The following OR2S2 variants were observed in gnomAD, a reference collection of about 807,000 sequenced individuals.
The protein encoded by OR2S2 is olfactory receptor 2S2.
For synonymous variants in OR2S2, 153 were observed against 159.3 expected (o/e 0.96, Z 0.30); for missense variants, 365 against 389.5 (o/e 0.94, Z 0.53).
At position 35,957,809 on chromosome 9, in the gene OR2S2, G is replaced by A. The variant is rs749878994; in HGVS notation, c.290C>T (p.Ala97Val). Residue 97 changes from alanine (A) to valine (V), a missense_variant, in exon 1 of 1, where the codon GCC (alanine) becomes GTC (valine). Coordinates refer to ENST00000341959, the MANE Select transcript of OR2S2 (RefSeq NM_019897.2). ...GGAGAGTGCCATCTGCACAGCACAG[G>A]CTGAGAAGGAGATGGTTTCCTGGGG... ...LTPQETISFS[A>V]CAVQMALSFA... 3 of 1,614,244 alleles carry A rather than the reference G, an allele frequency of 1.9e-6. No homozygotes were observed. Among genetic ancestry groups the A allele is most frequent in the East Asian group, 2.2e-5 (1 of 44,882 alleles).
At position 35,957,143 on chromosome 9, in the gene OR2S2, T is replaced by C; in HGVS notation, c.956A>G (p.Gln319Arg). ...RRLLRPKGFT[Q>R] ...TCACAGAGGACCCTTCCACCATCAC[T>C]GAGTGAAGCCTTTTGGTCTCAGCAG... Residue 319 changes from glutamine to arginine, a missense_variant, in exon 1 of 1, where the codon CAG becomes CGG. Coordinates refer to ENST00000341959, the MANE Select transcript of OR2S2 (RefSeq NM_019897.2). 1 of 1,584,912 alleles carries C rather than the reference T, an allele frequency of 6.3e-7. No homozygotes were observed. Among genetic ancestry groups the C allele is most frequent in the Non-Finnish European group, 8.6e-7 (1 of 1,163,594 alleles).
chr9:35,957,238 C>A lies in OR2S2; in HGVS notation c.861G>T (p.Val287=), dbSNP rs983244806. 1.9e-6 allele frequency: 3 copies of A among 1,614,108 alleles called. No individual in the cohort carries two copies. The highest frequency in any genetic ancestry group is 2.2e-5 in the South Asian group (2 of 91,080). ...SDKLIPLFYG[V]VTPMLNPIIY... is the part of the protein sequence containing the mutation. ...TGATGGGGTTGAGCATCGGGGTCAC[C>A]ACCCCATAGAAAAGGGGGATGAGTT... The change falls in exon 1 of 1, where the codon GTG becomes GTT. Residue 287 remains valine, a synonymous_variant. Transcript: ENST00000341959.
At position 35,957,817 on chromosome 9, in the gene OR2S2, G is replaced by A; in HGVS notation, c.282C>T (p.Ser94=). ...CCATCTGCACAGCACAGGCTGAGAA[G>A]GAGATGGTTTCCTGGGGAGTCAAAA... is the stretch of plus-strand genomic sequence containing the variant. The part of the protein sequence containing the change: ...DSFLTPQETI[S]FSACAVQMAL... Residue 94 remains serine, a synonymous_variant, in exon 1 of 1, where the codon TCC becomes TCT. Coordinates refer to ENST00000341959, the MANE Select transcript of OR2S2 (RefSeq NM_019897.2). The A allele has an allele frequency of 6.2e-7, 1 of 1,614,224 alleles. No homozygotes were observed. The highest frequency in any genetic ancestry group is 1.1e-5 in the South Asian group (1 of 91,088).
Position 35,957,928 on chromosome 9 carries a change from G to T in OR2S2, c.171C>A (p.His57Gln), listed in dbSNP as rs767312395. The change falls in exon 1 of 1, where the codon CAC (histidine) becomes CAA (glutamine). Residue 57 changes from histidine (H) to glutamine (Q), a missense_variant. Coordinates refer to ENST00000341959, the MANE Select transcript of OR2S2 (RefSeq NM_019897.2). The part of the protein sequence containing the change: ...ILVTILDSRL[H>Q]TPMYFFLGNL... ...TCCCTAGGAAGAAGTACATGGGCGT[G>T]TGCAGGCGGGAGTCAAGGATGGTCA... 6 of 1,614,098 alleles carry T rather than the reference G, an allele frequency of 3.7e-6. No individual in the cohort carries two copies. Among genetic ancestry groups the T allele is most frequent in the African/African-American group, 1.3e-5 (1 of 74,934 alleles).
In OR2S2 at chr9:35,957,987, C is replaced by A. The variant is rs141055006; in HGVS notation, c.112G>T (p.Val38Leu). The A allele has an allele frequency of 6.2e-7, 1 of 1,614,134 alleles. No individual in the cohort carries two copies. The highest frequency in any genetic ancestry group is 1.7e-5 in the Admixed American group (1 of 60,028). Reference protein sequence around the residue: ...FFVLILLMYLVILLGNGVLIL... With the variant: ...FFVLILLMYLLILLGNGVLIL... ...AGGACCCCATTGCCCAGCAGGATCACGAGGTACATCAGCAGGATGAGCACG... is the reference window on the plus strand; with the variant it reads ...AGGACCCCATTGCCCAGCAGGATCAAGAGGTACATCAGCAGGATGAGCACG... The change falls in exon 1 of 1, where the codon GTG becomes TTG. Residue 38 changes from valine to leucine, a missense_variant. By Grantham distance (32) the Val-to-Leu change is conservative. Transcript: ENST00000341959.
Position 35,957,461 on chromosome 9 carries a change from A to C in OR2S2, c.638T>G (p.Leu213Arg). ...TNVIFLGVPV[L>R]FISFSYVFII... is the part of the protein sequence containing the mutation. ...GAAGACATAGGAGAAAGAGATGAAC[A>C]GAACCGGGACTCCTAGGAAGATCAC... The change falls in exon 1 of 1, where the codon CTG becomes CGG. Residue 213 changes from leucine (L) to arginine (R), a missense_variant. By Grantham distance (102) the Leu-to-Arg change is moderately radical. Coordinates refer to ENST00000341959, the MANE Select transcript of OR2S2 (RefSeq NM_019897.2). 3.1e-6 allele frequency: 5 copies of C among 1,614,226 alleles called. No homozygotes were observed. Among genetic ancestry groups the C allele is most frequent in the Non-Finnish European group, 4.2e-6 (5 of 1,180,036 alleles).
chr9:35,957,836 G>A lies in OR2S2; in HGVS notation c.263C>T (p.Thr88Ile). 1 of 1,614,208 alleles carries A rather than the reference G, an allele frequency of 6.2e-7. No individual in the cohort carries two copies. Among genetic ancestry groups the A allele is most frequent in the Non-Finnish European group, 8.5e-7 (1 of 1,180,028 alleles). Reference sequence around the variant, plus strand: ...TGAGAAGGAGATGGTTTCCTGGGGAGTCAAAAAGCTGTCCAGGACCAGTGG... The same window carrying A: ...TGAGAAGGAGATGGTTTCCTGGGGAATCAAAAAGCTGTCCAGGACCAGTGG... ...SVPLVLDSFL[T>I]PQETISFSAC... The change falls in exon 1 of 1, where the codon ACT becomes ATT. Residue 88 changes from threonine (T) to isoleucine (I), a missense_variant. By Grantham distance (89) the Thr-to-Ile change is moderately conservative (BLOSUM62 -1). Coordinates refer to ENST00000341959, the MANE Select transcript of OR2S2 (RefSeq NM_019897.2).
rs1258949196 is a variant in OR2S2 at position 35,957,387 on chromosome 9, C to T, written c.712G>A (p.Val238Ile). 2 of 1,614,094 alleles carry T rather than the reference C, an allele frequency of 1.2e-6. No individual in the cohort carries two copies. The highest frequency in any genetic ancestry group is 2.2e-5 in the East Asian group (1 of 44,880). The part of the protein sequence containing the change: ...RIPSAEGRKK[V>I]FSTCSAHLTV... The stretch of plus-strand genomic sequence containing the variant: ...AGGTGGGCAGAGCAGGTGGAGAAGA[C>T]CTTTTTCCTCCCCTCAGCTGAGGGG... The change falls in exon 1 of 1, where the codon GTC becomes ATC. Residue 238 changes from valine to isoleucine, a missense_variant. Val to Ile is a conservative substitution (Grantham distance 29). Transcript: ENST00000341959.
chr9:35,957,495 CCTCCATGCTGATCACATT>C lies in OR2S2; in HGVS notation c.586_603del (p.Asn196_Glu201del), dbSNP rs749034367. The C allele has an allele frequency of 1.2e-6, 2 of 1,614,228 alleles. No homozygotes were observed. Among genetic ancestry groups the C allele is most frequent in the South Asian group, 2.2e-5 (2 of 91,076 alleles). On this transcript the variant is annotated inframe_deletion, in exon 1 of 1. Coordinates refer to ENST00000341959, the MANE Select transcript of OR2S2 (RefSeq NM_019897.2). ...ACTCCTAGGAAGATCACATTCGTCA[CCTCCATGCTGATCACATT>C]GATGGAAATGTCAGCACAGGCCAAC...
Position 35,957,205 on chromosome 9 carries a change from G to A in OR2S2, c.894C>T (p.Ser298=). 6.2e-7 allele frequency: 1 copy of A among 1,614,048 alleles called. No individual in the cohort carries two copies. The highest frequency in any genetic ancestry group is 8.5e-7 in the Non-Finnish European group (1 of 1,179,996). Residue 298 remains serine (S), a synonymous_variant, in exon 1 of 1, where the codon AGC becomes AGT. Coordinates refer to ENST00000341959, the MANE Select transcript of OR2S2 (RefSeq NM_019897.2). ...CAGCCTTCACATCCTTGTTCCTCAG[G>A]CTATAGATGATGGGGTTGAGCATCG... is the stretch of plus-strand genomic sequence containing the variant. ...VTPMLNPIIY[S]LRNKDVKAAV...
In OR2S2 at chr9:35,957,529, A is replaced by G; in HGVS notation, c.570T>C (p.Cys190=). The G allele has an allele frequency of 6.2e-7, 1 of 1,614,236 alleles. No homozygotes were observed. Residue 190 remains cysteine (C), a synonymous_variant, in exon 1 of 1, where the codon TGT becomes TGC. Transcript: ENST00000341959. ...TGATCACATTGATGGAAATGTCAGC[A>G]CAGGCCAACTTTAGAACAGCCAGAA... ...CEILAVLKLA[C]ADISINVISM...
rs770908980 is a variant in OR2S2, at chr9:35,957,443, T to C, written c.656A>G (p.Tyr219Cys). The change falls in exon 1 of 1, where the codon TAT (tyrosine) becomes TGT (cysteine). Residue 219 changes from tyrosine to cysteine, a missense_variant. Transcript: ENST00000341959. ...CAGGATGGTGGTGATGATGAAGACA[T>C]AGGAGAAAGAGATGAACAGAACCGG... ...GVPVLFISFS[Y>C]VFIITTILRI... 3.1e-6 allele frequency: 5 copies of C among 1,613,842 alleles called. No individual in the cohort carries two copies. Among genetic ancestry groups the C allele is most frequent in the Middle Eastern group, 1.7e-4 (1 of 6,058 alleles).
rs748844313 is a variant in OR2S2, at chr9:35,958,140, T to G, written c.-42A>C. On this transcript the variant is annotated 5_prime_UTR_variant, in exon 1 of 1. An upstream start codon of the reference 5' UTR is lost. Transcript: ENST00000341959. ...CATCAGCAAAGTACTGAGCAGCGCA[T>G]CAGGCTTTTTGGGAAGAGTCCTAGG... 29 of 1,567,392 alleles carry G rather than the reference T, an allele frequency of 1.9e-5. No individual in the cohort carries two copies. Among genetic ancestry groups the G allele is most frequent in the Non-Finnish European group, 2.4e-5 (28 of 1,156,844 alleles).
In OR2S2 at chr9:35,957,881, C is replaced by T. The variant is rs775539075; in HGVS notation, c.218G>A (p.Cys73Tyr). ...CAGTGGGACTGAGGAGGTAGTGAAG[C>T]AGATGTCCAGGAAGGAGAGGTTCCC... is the stretch of plus-strand genomic sequence containing the variant. Reference protein sequence around the residue: ...FLGNLSFLDICFTTSSVPLVL... With the variant: ...FLGNLSFLDIYFTTSSVPLVL... Residue 73 changes from cysteine to tyrosine, a missense_variant, in exon 1 of 1, where the codon TGC becomes TAC. Coordinates refer to ENST00000341959, the MANE Select transcript of OR2S2 (RefSeq NM_019897.2). 8 of 1,614,128 alleles carry T rather than the reference C, an allele frequency of 5.0e-6. No individual in the cohort carries two copies. Among genetic ancestry groups the T allele is most frequent in the Non-Finnish European group, 6.8e-6 (8 of 1,180,008 alleles).
Position 35,957,373 on chromosome 9 carries a change from G to A in OR2S2, c.726C>T (p.Cys242=), listed in dbSNP as rs1833567405. The change falls in exon 1 of 1, where the codon TGC becomes TGT. Residue 242 remains cysteine (C), a synonymous_variant. Coordinates refer to ENST00000341959, the MANE Select transcript of OR2S2 (RefSeq NM_019897.2). ...AEGRKKVFST[C]SAHLTVVIVF... ...CGATCACCACGGTGAGGTGGGCAGAGCAGGTGGAGAAGACCTTTTTCCTCC... is the reference window on the plus strand; with the variant it reads ...CGATCACCACGGTGAGGTGGGCAGAACAGGTGGAGAAGACCTTTTTCCTCC... 1.2e-6 allele frequency: 2 copies of A among 1,614,178 alleles called. No individual in the cohort carries two copies. Among genetic ancestry groups the A allele is most frequent in the African/African-American group, 1.3e-5 (1 of 75,032 alleles).
At position 35,957,756 on chromosome 9, in the gene OR2S2, G is replaced by A; in HGVS notation, c.343C>T (p.Leu115Phe). Residue 115 changes from leucine to phenylalanine, a missense_variant, in exon 1 of 1, where the codon CTC (leucine) becomes TTC (phenylalanine). By Grantham distance (22) the Leu-to-Phe change is conservative. Coordinates refer to ENST00000341959, the MANE Select transcript of OR2S2 (RefSeq NM_019897.2). ...CGATCAAATGCCATCATGCTCAGGA[G>A]CAAGCACTCTGTTCCTGCCATGGCA... ...SFAMAGTECL[L>F]LSMMAFDRYV... 1 of 1,614,246 alleles carries A rather than the reference G, an allele frequency of 6.2e-7. No individual in the cohort carries two copies. The highest frequency in any genetic ancestry group is 8.5e-7 in the Non-Finnish European group (1 of 1,180,044).
In OR2S2 at chr9:35,957,357, C is replaced by T. The variant is rs145663038; in HGVS notation, c.742G>A (p.Val248Met). Residue 248 changes from valine to methionine, a missense_variant, in exon 1 of 1, where the codon GTG becomes ATG. Val to Met is a conservative substitution (Grantham distance 21). Coordinates refer to ENST00000341959, the MANE Select transcript of OR2S2 (RefSeq NM_019897.2). ...VFSTCSAHLT[V>M]VIVFYGTLFF... Reference sequence around the variant, plus strand: ...AAGGTCCCGTAGAAGACGATCACCACGGTGAGGTGGGCAGAGCAGGTGGAG... The same window carrying T: ...AAGGTCCCGTAGAAGACGATCACCATGGTGAGGTGGGCAGAGCAGGTGGAG... The T allele has an allele frequency of 2.3e-5, 37 of 1,614,034 alleles. No homozygotes were observed. The highest frequency in any genetic ancestry group is 1.8e-4 in the South Asian group (16 of 91,072).
rs141361362 is a variant in OR2S2, at chr9:35,958,014, A to G, written c.85T>C (p.Phe29Leu). The G allele has an allele frequency of 5.0e-6, 8 of 1,614,106 alleles. No individual in the cohort carries two copies. In the South Asian group the frequency reaches 5.5e-5, roughly 11 times the overall value. The change falls in exon 1 of 1, where the codon TTC (phenylalanine) becomes CTC (leucine). Residue 29 changes from phenylalanine (F) to leucine (L), a missense_variant. Phe to Leu is a conservative substitution (Grantham distance 22). Transcript: ENST00000341959. ...SAHPELEKTF[F>L]VLILLMYLVI... is the part of the protein sequence containing the mutation. ...AGGTACATCAGCAGGATGAGCACGAAGAATGTCTTTTCCAGCTCTGGGTGG... is the reference window on the plus strand; with the variant it reads ...AGGTACATCAGCAGGATGAGCACGAGGAATGTCTTTTCCAGCTCTGGGTGG...
At position 35,957,554 on chromosome 9, in the gene OR2S2, A is replaced by G; in HGVS notation, c.545T>C (p.Ile182Thr). ...DNVINHFTCE[I>T]LAVLKLACAD... is the part of the protein sequence containing the mutation. ...ACAGGCCAACTTTAGAACAGCCAGA[A>G]TCTCACAGGTGAAGTGGTTGATGAC... Residue 182 changes from isoleucine to threonine, a missense_variant, in exon 1 of 1, where the codon ATT becomes ACT. By Grantham distance (89) the Ile-to-Thr change is moderately conservative. Coordinates refer to ENST00000341959, the MANE Select transcript of OR2S2 (RefSeq NM_019897.2). 1.2e-6 allele frequency: 2 copies of G among 1,614,214 alleles called. No individual in the cohort carries two copies. Among genetic ancestry groups the G allele is most frequent in the Non-Finnish European group, 1.7e-6 (2 of 1,180,034 alleles).
Sources: gnomAD v4.1 joint callset for allele counts on GRCh38, gnomAD v4.1.1 for gene constraint, MANE v1.5 for transcripts, NCBI Gene and HGNC (gene_info 2026-07-23, HGNC 2026-07-21) for gene names.